The following KCNH8 variants were observed in gnomAD, a reference collection of about 807,000 sequenced individuals.
KCNH8 encodes the protein voltage-gated delayed rectifier potassium channel KCNH8.
In KCNH8, 70 loss-of-function variants were observed where a neutral mutation model predicts 103.6. That is an observed-to-expected ratio of 0.68 (90% CI 0.56 to 0.82). KCNH8 has a LOEUF of 0.82. Ranked by LOEUF, KCNH8 falls within the 40% of genes least tolerant of loss-of-function variation. The pLI, the probability that KCNH8 is intolerant of heterozygous loss-of-function variation, is 0.00. For synonymous variants in KCNH8, 498 were observed against 489.4 expected (o/e 1.02, Z -0.23); for missense variants, 1,217 against 1,329.9 (o/e 0.92, Z 1.32).
chr3:19,325,400 A>T (rs2065408090), intron 3 of KCNH8, among the ~76,000 whole-genome samples: 1 of 152,144 alleles, frequency 6.6e-6, no homozygotes, highest in African/African-American at 2.4e-5. Flanking sequence ...GAGTAGAAAG[A>T]TAACCCAAAG....
intron 11 of KCNH8, among the ~76,000 whole-genome samples, chr3:19,502,682 T>A (rs1575150291): frequency 6.6e-6 from 1 of 151,710 alleles, no homozygotes; most frequent in South Asian, 2.1e-4. Flanking sequence ...GGGGAAAGGA[T>A]TCCCTATTTA....
In KCNH8 at chr3:19,224,907, A is replaced by G. The variant is rs537118929; in HGVS notation, c.77-28747A>G. ...GGGCTTGTAGTAACGACAGACATAC[A>G]GAATTCTAACACAGAGATGGCTTTG... On this transcript the variant is annotated intron_variant, in intron 1 of 15. Coordinates refer to ENST00000328405, the MANE Select transcript of KCNH8 (RefSeq NM_144633.3). 3.3e-5 allele frequency among the ~76,000 whole-genome samples: 5 copies of G among 152,298 alleles called. No homozygotes were observed. In the South Asian group the frequency reaches 1.0e-3, roughly 32 times the overall value.
intron 3 of KCNH8, among the ~76,000 whole-genome samples, chr3:19,338,683 G>A (rs1301692849): frequency 6.6e-6 from 1 of 151,990 alleles, no homozygotes; most frequent in African/African-American, 2.4e-5. Context: ...TTTTACAGCA[G>A]TTGTACATTT....
chr3:19,233,747 G>A (rs1391515410), intron 1 of KCNH8, among the ~76,000 whole-genome samples: 1 of 152,092 alleles, frequency 6.6e-6, no homozygotes, highest in Non-Finnish European at 1.5e-5. Context: ...TGGAATTGGT[G>A]GGTTCTTGGT....
At chr3:19,355,898 A>G (rs1341261392) in intron 5 of KCNH8, among the ~76,000 whole-genome samples, 1 of 151,268 alleles carries the variant, frequency 6.6e-6, no homozygotes. Flanking sequence ...ATATATATAT[A>G]TTTACTAAAT....
At chr3:19,401,260 C>T (rs2066608982) in intron 7 of KCNH8, among the ~76,000 whole-genome samples, 1 of 151,940 alleles carries the variant, frequency 6.6e-6, no homozygotes, top group African/African-American at 2.4e-5. Context: ...TTTAAAATGT[C>T]TTGAGACTTT....
At chr3:19,437,114 T>C (rs147847732) in intron 7 of KCNH8, among the ~76,000 whole-genome samples, 1 of 152,160 alleles carries the variant, frequency 6.6e-6, no homozygotes, top group Non-Finnish European at 1.5e-5. Flanking sequence ...GTGTAATGGT[T>C]TTTCATCTCT....
At chr3:19,208,830 G>T (rs1438371271) in intron 1 of KCNH8, among the ~76,000 whole-genome samples, 1 of 151,826 alleles carries the variant, frequency 6.6e-6, no homozygotes, top group African/African-American at 2.4e-5. Context: ...CCTCTTTATG[G>T]GTAGAAAAGA....
chr3:19,213,332 T>A (rs1435211838), intron 1 of KCNH8, among the ~76,000 whole-genome samples: 1 of 152,198 alleles, frequency 6.6e-6, no homozygotes, highest in Middle Eastern at 3.2e-3. Flanking sequence ...CATTCTGTGA[T>A]CCCATCAGTC....
At chr3:19,448,813 T>A in intron 8 of KCNH8, 1 of 303,300 alleles carries the variant, frequency 3.3e-6, no homozygotes, top group Non-Finnish European at 6.8e-6. Context: ...CACATAAGCT[T>A]CATACTTCAT....
Position 19,517,942 on chromosome 3 carries a change from C to T in KCNH8, c.2543-56C>T, listed in dbSNP as rs955768838. The T allele has an allele frequency of 2.0e-5, 28 of 1,407,680 alleles. No individual in the cohort carries two copies. The African/African-American group carries it at 2.2e-4, about 11-fold the overall frequency. 87.2% of individuals were successfully genotyped at this position (1,407,680 alleles called of 1,614,324 possible). On this transcript the variant is annotated intron_variant, in intron 14 of 15. Coordinates refer to ENST00000328405, the MANE Select transcript of KCNH8 (RefSeq NM_144633.3). ...CTTTCATATTCTAATTGCCTCGATC[C>T]TCAAATATAAGGTTTATTCCTAAAG...
At chr3:19,259,206 A>T (rs1405193544) in intron 2 of KCNH8, among the ~76,000 whole-genome samples, 1 of 151,046 alleles carries the variant, frequency 6.6e-6, no homozygotes, top group African/African-American at 2.4e-5. Flanking sequence ...GTTTTTCTTT[A>T]TTCTGATTCA....
At chr3:19,338,186 C>T (rs953307730) in intron 3 of KCNH8, among the ~76,000 whole-genome samples, 1 of 151,982 alleles carries the variant, frequency 6.6e-6, no homozygotes, top group Non-Finnish European at 1.5e-5. Flanking sequence ...CTGACTTCTG[C>T]CTACCTTCTA....
At chr3:19,489,464 C>G (rs1351949669) in intron 11 of KCNH8, among the ~76,000 whole-genome samples, 1 of 152,136 alleles carries the variant, frequency 6.6e-6, no homozygotes, top group African/African-American at 2.4e-5. Flanking sequence ...GGGAATTGAT[C>G]TGGGTGCCCT....
intron 5 of KCNH8, among the ~76,000 whole-genome samples, chr3:19,362,857 C>A (rs1250088274): frequency 6.6e-6 from 1 of 152,098 alleles, no homozygotes; most frequent in Non-Finnish European, 1.5e-5. Flanking sequence ...GGGGTTTCCC[C>A]ATTTTGCCTA....
At chr3:19,490,317 A>G (rs2068291389) in intron 11 of KCNH8, among the ~76,000 whole-genome samples, 1 of 152,094 alleles carries the variant, frequency 6.6e-6, no homozygotes, top group African/African-American at 2.4e-5. Flanking sequence ...GCATCTGCAG[A>G]CTCACATCTC....
At chr3:19,330,296 T>C (rs2065488074) in intron 3 of KCNH8, among the ~76,000 whole-genome samples, 1 of 152,202 alleles carries the variant, frequency 6.6e-6, no homozygotes, top group Non-Finnish European at 1.5e-5. Context: ...CCCTTATAAA[T>C]GTCTTCCTTA....
intron 1 of KCNH8, among the ~76,000 whole-genome samples, chr3:19,150,410 G>T (rs1226939695): frequency 6.6e-6 from 1 of 151,902 alleles, no homozygotes; most frequent in African/African-American, 2.4e-5. Flanking sequence ...TCCTGAATTT[G>T]TCTATTGAAA....
At chr3:19,365,922 C>T (rs2066005596) in intron 5 of KCNH8, among the ~76,000 whole-genome samples, 1 of 151,996 alleles carries the variant, frequency 6.6e-6, no homozygotes, top group South Asian at 2.1e-4. Context: ...TGATGAAGAA[C>T]ATTCCAAGCA....
Sources: gnomAD v4.1 joint callset for allele counts (sites outside exome capture counted in the v4.1 genomes callset) on GRCh38, gnomAD v4.1.1 for gene constraint, MANE v1.5 for transcripts, NCBI Gene and HGNC (gene_info 2026-07-23, HGNC 2026-07-21) for gene names.